C14orf93: variants seen among roughly 807,000 people sequenced by gnomAD.
C14orf93 encodes uncharacterized protein C14orf93.
C14orf93 carries 23 observed loss-of-function variants against 44.0 expected under a neutral mutation model. The observed-to-expected ratio is 0.52, with a 90% CI of 0.38 to 0.74. The LOEUF (loss-of-function observed/expected upper bound fraction) is 0.74, where lower values mean the gene tolerates loss of function less well. C14orf93 is among the 30% of genes least tolerant of loss of function. C14orf93 has a pLI of 0.00. For missense variants in C14orf93, 579 were observed against 678.9 expected (o/e 0.85, Z 1.64); for synonymous variants, 253 against 265.7 (o/e 0.95, Z 0.46).
chr14:23,009,170 A>G (rs1191375977), intron 1 of C14orf93, among the ~76,000 whole-genome samples: 1 of 152,158 alleles, frequency 6.6e-6, no homozygotes, highest in Non-Finnish European at 1.5e-5. Flanking sequence ...TGGACTATAT[A>G]CTCCTTGGCA....
At chr14:23,004,518 C>T (rs2046531328) in intron 1 of C14orf93, among the ~76,000 whole-genome samples, 1 of 152,144 alleles carries the variant, frequency 6.6e-6, no homozygotes, top group Non-Finnish European at 1.5e-5. Context: ...GCATTGCACA[C>T]TACTCAAATG....
Position 23,010,110 on chromosome 14 carries a change from G to A in C14orf93, c.-389C>T, listed in dbSNP as rs1264369789. ...AATGGAAAAAGGATACCCGAAGGTC[G>A]TATGGCTCTTTGTATTCGTGTGTGT... On this transcript the variant is annotated 5_prime_UTR_variant, in exon 1 of 7. In the 5' UTR this introduces an upstream ATG that the reference lacks. Coordinates refer to ENST00000299088, the MANE Select transcript of C14orf93 (RefSeq NM_021944.4). 1 of 152,140 alleles carries A rather than the reference G, an allele frequency of 6.6e-6. No homozygotes were observed. The highest frequency in any genetic ancestry group is 1.5e-5 in the Non-Finnish European group (1 of 68,004). The allele number at this position is 152,140 out of a possible 1,614,324, so 9.4% of individuals were successfully genotyped here.
At chr14:23,007,865 G>GT (rs1156866680) in intron 1 of C14orf93, among the ~76,000 whole-genome samples, 1 of 152,026 alleles carries the variant, frequency 6.6e-6, no homozygotes, top group South Asian at 2.1e-4. Flanking sequence ...AAAAATTCCC[G>GT]TAACTGGCCG....
chr14:22,991,937 G>A (rs1311914351), intron 3 of C14orf93, among the ~76,000 whole-genome samples: 2 of 152,196 alleles, frequency 1.3e-5, no homozygotes, highest in Non-Finnish European at 2.9e-5. Flanking sequence ...GTGGCTTTAT[G>A]TATTTCTTCA....
chr14:22,997,528 G>C (rs2046060189), intron 2 of C14orf93, among the ~76,000 whole-genome samples: 1 of 152,116 alleles, frequency 6.6e-6, no homozygotes, highest in African/African-American at 2.4e-5. Flanking sequence ...CTATCTCTAA[G>C]ATCTCTATAG....
At position 22,999,015 on chromosome 14, in the gene C14orf93, G is replaced by C. The variant is rs2046162760; in HGVS notation, c.9C>G (p.Phe3Leu). 6.2e-7 allele frequency: 1 copy of C among 1,609,302 alleles called. No individual in the cohort carries two copies. Among genetic ancestry groups the C allele is most frequent in the South Asian group, 1.1e-5 (1 of 90,822 alleles). MS[F>L]SATILFSPPS... The stretch of plus-strand genomic sequence containing the variant: ...GAGGGGAGAAGAGAATGGTGGCACT[G>C]AAGGACATGGCGGATGGGGCAGTAA... Residue 3 changes from phenylalanine (F) to leucine (L), a missense_variant, in exon 2 of 7, where the codon TTC becomes TTG. Physicochemically the swap from Phe to Leu is conservative, Grantham distance 22. Coordinates refer to ENST00000299088, the MANE Select transcript of C14orf93 (RefSeq NM_021944.4).
At chr14:22,989,017 T>G (rs2045422398) in intron 5 of C14orf93, among the ~76,000 whole-genome samples, 2 of 152,116 alleles carry the variant, frequency 1.3e-5, no homozygotes, top group Non-Finnish European at 2.9e-5. Context: ...TGAAACAAGG[T>G]TTGCCCACAG....
intron 3 of C14orf93, among the ~76,000 whole-genome samples, chr14:22,994,621 G>A (rs774458949): frequency 5.3e-5 from 8 of 151,808 alleles, no homozygotes; most frequent in African/African-American, 1.5e-4. Context: ...CCAGCTACTC[G>A]GGAGGCTGAG....
In C14orf93 at chr14:22,996,918, G is replaced by T. The variant is rs914732804; in HGVS notation, c.598-650C>A. Among the ~76,000 whole-genome samples, 4 of 152,090 alleles carry T rather than the reference G, an allele frequency of 2.6e-5. No homozygotes were observed. The highest frequency in any genetic ancestry group is 9.7e-5 in the African/African-American group (4 of 41,398). On this transcript the variant is annotated intron_variant, in intron 2 of 6. Coordinates refer to ENST00000299088, the MANE Select transcript of C14orf93 (RefSeq NM_021944.4). The surrounding 1 kb of genome is among the most constrained non-coding windows in gnomAD (Gnocchi z 4.1). ...AGGGAGCAAGGGAGAGAGGGAGGAA[G>T]AAAGGAGGGGGGATTTCTGCAGTCA... is the stretch of plus-strand genomic sequence containing the variant.
chr14:22,996,376 A>C lies in C14orf93; in HGVS notation c.598-108T>G. On this transcript the variant is annotated intron_variant, in intron 2 of 6. Transcript: ENST00000299088. This position sits in a 1 kb window ranked among gnomAD's most constrained non-coding sequence, Gnocchi z 4.1. ...TGAACAGAAAGTGGAAAGAAGGGGAACTCTAGCACAGTCTTTAATGGTCAA... is the reference window on the plus strand; with the variant it reads ...TGAACAGAAAGTGGAAAGAAGGGGACCTCTAGCACAGTCTTTAATGGTCAA... 1.3e-5 allele frequency: 14 copies of C among 1,097,538 alleles called. No individual in the cohort carries two copies. The highest frequency in any genetic ancestry group is 2.6e-5 in the East Asian group (1 of 38,200). 68.0% of individuals were successfully genotyped at this position (1,097,538 alleles called of 1,614,324 possible).
At chr14:22,988,940 A>T (rs1421422417) in intron 5 of C14orf93, among the ~76,000 whole-genome samples, 1 of 152,120 alleles carries the variant, frequency 6.6e-6, no homozygotes, top group African/African-American at 2.4e-5. Flanking sequence ...AAAAAATTTA[A>T]AAACAACAAC....
At chr14:23,007,779 C>G (rs1210779901) in intron 1 of C14orf93, among the ~76,000 whole-genome samples, 1 of 151,954 alleles carries the variant, frequency 6.6e-6, no homozygotes, top group Non-Finnish European at 1.5e-5. Flanking sequence ...TTTTGAGACG[C>G]TAAAAAGTAA....
intron 1 of C14orf93, chr14:23,005,201 T>G (rs1371758342): frequency 6.6e-6 from 1 of 151,870 alleles, no homozygotes; most frequent in Non-Finnish European, 1.5e-5. Context: ...GGCGCTTATA[T>G]AGTAAGATAA....
At chr14:23,004,843 G>C (rs538897652) in intron 1 of C14orf93, among the ~76,000 whole-genome samples, 1 of 152,094 alleles carries the variant, frequency 6.6e-6, no homozygotes, top group South Asian at 2.1e-4. Context: ...ACTTGAACCC[G>C]GGAGGTGGAG....
At chr14:23,001,839 T>TAAAAAAAAAAAAAAAAAA (rs780256403) in intron 1 of C14orf93, among the ~76,000 whole-genome samples, 1 of 59,552 alleles carries the variant, frequency 1.7e-5, no homozygotes, top group African/African-American at 7.4e-5. Context: ...TACTGCAGGT[T>TAAAAAAAAAAAAAAAAAA]AAAAAAAAAA....
At chr14:23,001,725 A>G (rs988699913) in intron 1 of C14orf93, among the ~76,000 whole-genome samples, 9 of 150,516 alleles carry the variant, frequency 6.0e-5, no homozygotes, top group Non-Finnish European at 1.3e-4. Flanking sequence ...TCAGCTTCCC[A>G]AAGTGTTGGG....
chr14:22,992,711 GT>G (rs1277466005), intron 3 of C14orf93, among the ~76,000 whole-genome samples: 1 of 151,540 alleles, frequency 6.6e-6, no homozygotes, highest in African/African-American at 2.4e-5. Context: ...AGCCTCCCTA[GT>G]TAGCTGGGAT....
chr14:22,986,912 G>T lies in C14orf93; in HGVS notation c.*303C>A. On this transcript the variant is annotated 3_prime_UTR_variant, in exon 7 of 7. Transcript: ENST00000299088. ...TCAGAGACAGGGCATATGTCAAGAAGGCCTCATGTTTCTTGGACCCATCCT... is the reference window on the plus strand; with the variant it reads ...TCAGAGACAGGGCATATGTCAAGAATGCCTCATGTTTCTTGGACCCATCCT... 1 of 396,784 alleles carries T rather than the reference G, an allele frequency of 2.5e-6. No individual in the cohort carries two copies. The highest frequency in any genetic ancestry group is 4.6e-6 in the Non-Finnish European group (1 of 217,702). 24.6% of individuals were successfully genotyped at this position (396,784 alleles called of 1,614,324 possible).
chr14:23,005,668 C>T (rs1373677625), intron 1 of C14orf93: 4 of 151,882 alleles, frequency 2.6e-5, no homozygotes, highest in Non-Finnish European at 5.9e-5. Context: ...CTTAGGTTTG[C>T]AAAAAATATA....
Sources: allele counts gnomAD v4.1 joint callset (sites outside exome capture counted in the v4.1 genomes callset), GRCh38; gene constraint gnomAD v4.1.1; non-coding constraint Gnocchi (gnomAD v3.1); transcripts MANE v1.5; gene names NCBI Gene and HGNC (gene_info 2026-07-23, HGNC 2026-07-21).